Variants in DLGAP1 observed in about 807,000 individuals in gnomAD.
The protein encoded by DLGAP1 is DLG associated protein 1.
DLGAP1 carries 11 observed loss-of-function variants against 90.8 expected under a neutral mutation model. The ratio of observed to expected loss-of-function variants is 0.12; its 90% CI spans 0.08 to 0.20. DLGAP1 has a LOEUF of 0.20. Ranked by LOEUF, DLGAP1 falls within the 10% of genes least tolerant of loss-of-function variation. DLGAP1 has a pLI of 1.00. For missense variants in DLGAP1, 1,050 were observed against 1,333.8 expected, an observed-to-expected ratio of 0.79 and a Z score of 3.31; for synonymous variants, 558 against 540.7, an observed-to-expected ratio of 1.03 and a Z score of -0.44.
intron 7 of DLGAP1, among the ~76,000 whole-genome samples, chr18:3,717,008 G>A (rs889846282): frequency 6.8e-6 from 1 of 147,740 alleles, no homozygotes; most frequent in Non-Finnish European, 1.5e-5. Context: ...GTTTCTTATG[G>A]CTTGGAGCGG....
At chr18:4,095,885 G>T (rs2075668807) in intron 2 of DLGAP1, among the ~76,000 whole-genome samples, 1 of 151,742 alleles carries the variant, frequency 6.6e-6, no homozygotes, top group Non-Finnish European at 1.5e-5. Flanking sequence ...AAGAAGGAGG[G>T]GTAGGCGGAA....
intron 4 of DLGAP1, among the ~76,000 whole-genome samples, chr18:3,815,595 T>G (rs1051952842): frequency 6.6e-6 from 1 of 152,190 alleles, no homozygotes; most frequent in African/African-American, 2.4e-5. Context: ...GTCAGTGCAC[T>G]GCTCTTCTTT....
At chr18:3,628,379 G>C (rs980556849) in intron 7 of DLGAP1, among the ~76,000 whole-genome samples, 3 of 151,504 alleles carry the variant, frequency 2.0e-5, no homozygotes, top group Non-Finnish European at 4.4e-5. Flanking sequence ...CAGTAGAGAC[G>C]AGGTTTGACC....
chr18:4,033,983 C>T (rs573057831), intron 2 of DLGAP1, among the ~76,000 whole-genome samples: 43 of 151,226 alleles, frequency 2.8e-4, no homozygotes, highest in Middle Eastern at 3.4e-3. Flanking sequence ...GTGATCTGCC[C>T]GCCTCCGCCT....
At chr18:3,674,296 A>ATATATATATATATATAT (rs1555623972) in intron 7 of DLGAP1, among the ~76,000 whole-genome samples, 2,853 of 128,720 alleles carry the variant, frequency 0.022, 80 homozygotes, top group Non-Finnish European at 0.03. Context: ...ATAATATTAA[A>ATATATATATATATATAT]ATATATATAT....
intron 2 of DLGAP1, among the ~76,000 whole-genome samples, chr18:4,082,077 A>C (rs1047195161): frequency 7.9e-5 from 12 of 152,022 alleles, no homozygotes; most frequent in African/African-American, 2.9e-4. Flanking sequence ...GCAGTGGCTC[A>C]CACCTGTACT....
intron 1 of DLGAP1, among the ~76,000 whole-genome samples, chr18:4,271,626 C>A (rs983396759): frequency 6.6e-6 from 1 of 152,022 alleles, no homozygotes; most frequent in South Asian, 2.1e-4. Flanking sequence ...ATTGTAGACA[C>A]CTGTAGTTGT....
chr18:3,871,721 A>G (rs1419303242), intron 4 of DLGAP1, among the ~76,000 whole-genome samples: 1 of 152,226 alleles, frequency 6.6e-6, no homozygotes, highest in African/African-American at 2.4e-5. Flanking sequence ...TCTCCACTTC[A>G]TAGTCATACC....
chr18:4,223,753 C>A (rs1210992618), intron 1 of DLGAP1, among the ~76,000 whole-genome samples: 1 of 152,080 alleles, frequency 6.6e-6, no homozygotes, highest in African/African-American at 2.4e-5. Flanking sequence ...GTCAGACTCA[C>A]TTTTTTCAGA....
intron 1 of DLGAP1, among the ~76,000 whole-genome samples, chr18:4,302,077 C>T (rs2080139187): frequency 6.6e-6 from 1 of 152,118 alleles, no homozygotes; most frequent in African/African-American, 2.4e-5. Flanking sequence ...TATAGTCTCC[C>T]AATCTCTAGG....
At chr18:4,037,084 T>A in intron 2 of DLGAP1, among the ~76,000 whole-genome samples, 1 of 152,156 alleles carries the variant, frequency 6.6e-6, no homozygotes, top group East Asian at 1.9e-4. Flanking sequence ...AAGTGATAAT[T>A]GGCTGGCACT....
At chr18:3,510,278 G>A (rs566237917) in intron 10 of DLGAP1, among the ~76,000 whole-genome samples, 1 of 152,336 alleles carries the variant, frequency 6.6e-6, no homozygotes, top group South Asian at 2.1e-4. Flanking sequence ...AGGGTTGTTG[G>A]GAAGGTTAAA....
intron 1 of DLGAP1, among the ~76,000 whole-genome samples, chr18:4,211,455 C>T (rs2077839030): frequency 6.6e-6 from 1 of 152,006 alleles, no homozygotes; most frequent in African/African-American, 2.4e-5. Flanking sequence ...TTGGTAGGTC[C>T]TTAGTTTGAA....
At chr18:4,330,778 C>T (rs1296957137) in intron 1 of DLGAP1, among the ~76,000 whole-genome samples, 1 of 151,654 alleles carries the variant, frequency 6.6e-6, no homozygotes, top group Admixed American at 6.6e-5. Flanking sequence ...TGTCTTATGG[C>T]TCAGCATCTG....
intron 3 of DLGAP1, among the ~76,000 whole-genome samples, chr18:3,941,388 A>G (rs1270502901): frequency 2.6e-5 from 4 of 152,208 alleles, no homozygotes; most frequent in African/African-American, 9.6e-5. Context: ...CCTTCCAGGT[A>G]GCCATGAGGC....
intron 3 of DLGAP1, among the ~76,000 whole-genome samples, chr18:3,942,108 A>G (rs947780040): frequency 6.6e-6 from 1 of 152,192 alleles, no homozygotes; most frequent in African/African-American, 2.4e-5. Flanking sequence ...GGATTTAGGT[A>G]GTGGTCCTGT....
At chr18:3,694,345 CAT>C (rs2061011390) in intron 7 of DLGAP1, among the ~76,000 whole-genome samples, 1 of 152,144 alleles carries the variant, frequency 6.6e-6, no homozygotes, top group Admixed American at 6.6e-5. Flanking sequence ...CTGCAATAAA[CAT>C]ATGTGTGCAT....
intron 1 of DLGAP1, among the ~76,000 whole-genome samples, chr18:4,347,986 T>A (rs1033452218): frequency 6.6e-6 from 1 of 152,122 alleles, no homozygotes; most frequent in Non-Finnish European, 1.5e-5. Flanking sequence ...TTAATATTCA[T>A]AAATTAAGAT....
chr18:4,020,104 T>C (rs2074585796), intron 2 of DLGAP1, among the ~76,000 whole-genome samples: 1 of 152,136 alleles, frequency 6.6e-6, no homozygotes, highest in African/African-American at 2.4e-5. Context: ...GGTTTTATCG[T>C]GCAGATGAAG....
Sources: allele counts gnomAD v4.1 joint callset (sites outside exome capture counted in the v4.1 genomes callset), GRCh38; gene constraint gnomAD v4.1.1; transcripts MANE v1.5; gene names NCBI Gene and HGNC (gene_info 2026-07-23, HGNC 2026-07-21).